CLRN1: variants seen among roughly 807,000 people sequenced by gnomAD.
The protein encoded by CLRN1 is clarin 1.
Under a neutral mutation model 18.7 loss-of-function variants are expected in CLRN1, and 15 were observed. That is an observed-to-expected ratio of 0.80 (90% CI 0.54 to 1.23). CLRN1 has a LOEUF of 1.23. CLRN1 is among the 50% of genes most tolerant of loss of function. The pLI, the probability that CLRN1 is intolerant of heterozygous loss-of-function variation, is 0.00. For missense variants in CLRN1, 311 were observed against 277.5 expected, an observed-to-expected ratio of 1.12 and a Z score of -0.86; for synonymous variants, 104 against 102.9, an observed-to-expected ratio of 1.01 and a Z score of -0.07.
intron 1 of CLRN1, among the ~76,000 whole-genome samples, chr3:150,970,192 T>C (rs1272805266): frequency 6.6e-6 from 1 of 152,230 alleles, no homozygotes. Flanking sequence ...AGATCTTTTA[T>C]TCATTTATAT....
At chr3:150,963,219 C>A (rs545533158) in intron 1 of CLRN1, among the ~76,000 whole-genome samples, 1 of 152,336 alleles carries the variant, frequency 6.6e-6, no homozygotes, top group South Asian at 2.1e-4. Flanking sequence ...GGCAAAGTCT[C>A]AGGATACAAA....
At chr3:150,943,687 G>A in intron 1 of CLRN1, 1 of 1,467,462 alleles carries the variant, frequency 6.8e-7, no homozygotes, top group Non-Finnish European at 9.4e-7. Context: ...GCCCTCACAG[G>A]CAGAGGGCAG....
intron 2 of CLRN1, among the ~76,000 whole-genome samples, chr3:150,941,177 T>TCATATA (rs1255217681): frequency 1.0e-5 from 1 of 95,606 alleles, no homozygotes; most frequent in South Asian, 3.8e-4. Flanking sequence ...TCTATCTCTT[T>TCATATA]CATATATATA....
chr3:150,929,017 A>G (rs1460032853), intron 2 of CLRN1, among the ~76,000 whole-genome samples: 1 of 152,244 alleles, frequency 6.6e-6, no homozygotes, highest in Non-Finnish European at 1.5e-5. Flanking sequence ...TGGAAGCCAT[A>G]TGCTGTGGAA....
chr3:150,967,485 G>T (rs1715319069), intron 1 of CLRN1, among the ~76,000 whole-genome samples: 1 of 152,034 alleles, frequency 6.6e-6, no homozygotes, highest in Non-Finnish European at 1.5e-5. Context: ...AAGCTAAAAG[G>T]CAGAAGAGCC....
At chr3:150,931,328 C>A (rs1713125992) in intron 2 of CLRN1, among the ~76,000 whole-genome samples, 1 of 152,194 alleles carries the variant, frequency 6.6e-6, no homozygotes. Flanking sequence ...CCCTTTGAAT[C>A]CAGCAAGAGG....
intron 1 of CLRN1, chr3:150,943,853 C>T (rs762037677): frequency 1.9e-6 from 3 of 1,614,218 alleles, no homozygotes; most frequent in African/African-American, 1.3e-5. Flanking sequence ...ATGGAGTTTA[C>T]TCCTCACAGC....
At chr3:150,941,138 G>GTCTGTCTGTCTATCTA (rs373144676) in intron 2 of CLRN1, among the ~76,000 whole-genome samples, 1 of 141,502 alleles carries the variant, frequency 7.1e-6, no homozygotes, top group South Asian at 2.3e-4. Flanking sequence ...CTGTCTGTCT[G>GTCTGTCTGTCTATCTA]TCTATCTATC....
chr3:150,933,813 G>A (rs1242926090), intron 2 of CLRN1, among the ~76,000 whole-genome samples: 2 of 152,206 alleles, frequency 1.3e-5, no homozygotes, highest in African/African-American at 4.8e-5. Flanking sequence ...GACCTGGAAT[G>A]TGATTCCTCA....
chr3:150,938,587 C>T lies in CLRN1; in HGVS notation c.433+2995G>A, dbSNP rs773542449. 6.6e-5 allele frequency among the ~76,000 whole-genome samples: 10 copies of T among 151,956 alleles called. No individual in the cohort carries two copies. The East Asian group carries it at 1.3e-3, about 20-fold the overall frequency. On this transcript the variant is annotated intron_variant, in intron 2 of 2. Coordinates refer to ENST00000327047, the MANE Select transcript of CLRN1 (RefSeq NM_174878.3). ...CCTCAAACATGTTTTATTGTTGTAA[C>T]GGTTTTTTTTTTAGTTATTGAACAT...
intron 1 of CLRN1, among the ~76,000 whole-genome samples, chr3:150,946,765 A>G (rs1431083781): frequency 1.1e-5 from 1 of 92,812 alleles, no homozygotes; most frequent in Non-Finnish European, 2.2e-5. Flanking sequence ...TTATTATTAT[A>G]CTTTAAGTTT....
rs1235134541 is a variant in CLRN1, at chr3:150,927,775, T to C, written c.*161A>G. ...TTCAAAGCCTTCCTTCTGCTTCCCT[T>C]ACTTTCCAGCCTGTATCCTTAGTAC... is the stretch of plus-strand genomic sequence containing the variant. On this transcript the variant is annotated 3_prime_UTR_variant, in exon 3 of 3. Transcript: ENST00000327047. 4 of 977,024 alleles carry C rather than the reference T, an allele frequency of 4.1e-6. No individual in the cohort carries two copies. The highest frequency in any genetic ancestry group is 6.3e-6 in the Non-Finnish European group (4 of 631,968). 60.5% of individuals were successfully genotyped at this position (977,024 alleles called of 1,614,324 possible).
At chr3:150,955,230 G>A (rs552047345) in intron 1 of CLRN1, among the ~76,000 whole-genome samples, 4 of 152,222 alleles carry the variant, frequency 2.6e-5, no homozygotes, top group Non-Finnish European at 5.9e-5. Context: ...GTTGCCAAGG[G>A]GTTGGGGGTA....
At position 150,927,631 on chromosome 3, in the gene CLRN1, TACACACACACACAC is replaced by T. The variant is rs34027634; in HGVS notation, c.*291_*304del. 3 of 473,322 alleles carry T rather than the reference TACACACACACACAC, an allele frequency of 6.3e-6. No homozygotes were observed. Among genetic ancestry groups the T allele is most frequent in the Non-Finnish European group, 1.2e-5 (3 of 244,286 alleles). 29.3% of individuals were successfully genotyped at this position (473,322 alleles called of 1,614,324 possible). A position where few individuals can be genotyped will look rare whatever the true frequency, so the allele number is the denominator to read the frequency against. ...ATATCTTTTTGATAGGAAGACATCT[TACACACACACACAC>T]ACACACACACACACATATATATATA... On this transcript the variant is annotated 3_prime_UTR_variant, in exon 3 of 3. Coordinates refer to ENST00000327047, the MANE Select transcript of CLRN1 (RefSeq NM_174878.3).
intron 1 of CLRN1, among the ~76,000 whole-genome samples, chr3:150,950,576 A>G (rs1714430353): frequency 6.6e-6 from 1 of 152,248 alleles, no homozygotes. Flanking sequence ...TGATCATTAG[A>G]GAAATGCAAA....
intron 2 of CLRN1, among the ~76,000 whole-genome samples, chr3:150,933,790 C>T (rs1713301810): frequency 6.6e-6 from 1 of 152,176 alleles, no homozygotes; most frequent in African/African-American, 2.4e-5. Flanking sequence ...CCTACCACAC[C>T]CTGGACATGA....
At chr3:150,959,092 C>A (rs1392808302) in intron 1 of CLRN1, among the ~76,000 whole-genome samples, 6 of 152,176 alleles carry the variant, frequency 3.9e-5, no homozygotes, top group South Asian at 2.1e-4. Context: ...CCCAGCCCAT[C>A]CTGAATGATA....
intron 1 of CLRN1, among the ~76,000 whole-genome samples, chr3:150,954,816 T>C (rs942971419): frequency 1.1e-4 from 16 of 152,242 alleles, no homozygotes; most frequent in African/African-American, 3.4e-4. Flanking sequence ...GTTAATTTTG[T>C]ATTTTTGCAT....
intron 1 of CLRN1, among the ~76,000 whole-genome samples, chr3:150,954,060 T>C (rs2107971213): frequency 6.6e-6 from 1 of 152,312 alleles, no homozygotes; most frequent in East Asian, 1.9e-4. Flanking sequence ...TTTTGACAAA[T>C]GCAGACAGTT....
Sources: allele counts gnomAD v4.1 joint callset (sites outside exome capture counted in the v4.1 genomes callset), GRCh38; gene constraint gnomAD v4.1.1; transcripts MANE v1.5; gene names NCBI Gene and HGNC (gene_info 2026-07-23, HGNC 2026-07-21).